The following SCAPER variants were observed in gnomAD, a reference collection of about 807,000 sequenced individuals.
SCAPER encodes the protein S phase cyclin A-associated protein in the endoplasmic reticulum.
In SCAPER, 98 loss-of-function variants were observed where a neutral mutation model predicts 182.2. The ratio of observed to expected loss-of-function variants is 0.54; its 90% CI spans 0.46 to 0.64. SCAPER has a LOEUF of 0.64. SCAPER is among the 30% of genes least tolerant of loss of function. The pLI, the probability that SCAPER is intolerant of heterozygous loss-of-function variation, is 0.00. For missense variants in SCAPER, 1,432 were observed against 1,690.0 expected (o/e 0.85, Z 2.68); for synonymous variants, 605 against 564.6 (o/e 1.07, Z -1.01).
At chr15:76,852,830 T>G (rs1348644539) in intron 4 of SCAPER, among the ~76,000 whole-genome samples, 4 of 151,898 alleles carry the variant, frequency 2.6e-5, no homozygotes, top group Non-Finnish European at 5.9e-5. Context: ...AGACAAGATA[T>G]AAACAAAATC....
intron 8 of SCAPER, among the ~76,000 whole-genome samples, chr15:76,780,390 G>A (rs2064043679): frequency 6.6e-6 from 1 of 152,224 alleles, no homozygotes; most frequent in African/African-American, 2.4e-5. Flanking sequence ...CGAACCAGGT[G>A]GAGACCACAG....
chr15:76,779,995 A>G (rs1270469341), intron 8 of SCAPER, among the ~76,000 whole-genome samples: 1 of 152,164 alleles, frequency 6.6e-6, no homozygotes, highest in Non-Finnish European at 1.5e-5. Context: ...TGCATTTCCA[A>G]CTGAGGTACC....
intron 24 of SCAPER, among the ~76,000 whole-genome samples, chr15:76,501,851 C>A (rs1338374080): frequency 1.3e-5 from 2 of 152,186 alleles, no homozygotes; most frequent in Admixed American, 1.3e-4. Context: ...TGCAGGAGAG[C>A]AACTGGAAGG....
intron 2 of SCAPER, among the ~76,000 whole-genome samples, chr15:76,871,501 G>T (rs1042293710): frequency 2.0e-5 from 3 of 151,040 alleles, no homozygotes; most frequent in African/African-American, 7.3e-5. Context: ...GGCAAGATGG[G>T]ATAGCGATGG....
chr15:76,841,877 C>T lies in SCAPER; in HGVS notation c.250G>A (p.Asp84Asn). The change falls in exon 5 of 32, where the codon GAT becomes AAT. Residue 84 changes from aspartate (D) to asparagine (N), a missense_variant. Around this residue, in one of 5 missense-constraint regions of SCAPER, gnomAD observed 480 missense variants for 510.2 expected, o/e 0.94. Coordinates refer to ENST00000563290, the MANE Select transcript of SCAPER (RefSeq NM_020843.4). The part of the protein sequence containing the change: ...TSSTTGDKHF[D>N]KSPTKTRHPR... Reference sequence around the variant, plus strand: ...TGCCTTGTTTTAGTGGGACTTTTATCAAAGTGTTTATCTCCAGTCGTAGAC... The same window carrying T: ...TGCCTTGTTTTAGTGGGACTTTTATTAAAGTGTTTATCTCCAGTCGTAGAC... The T allele has an allele frequency of 6.2e-7, 1 of 1,613,836 alleles. No homozygotes were observed. Among genetic ancestry groups the T allele is most frequent in the Admixed American group, 1.7e-5 (1 of 59,976 alleles).
chr15:76,902,094 CCAAT>C (rs1451378759), intron 1 of SCAPER, among the ~76,000 whole-genome samples: 2 of 152,152 alleles, frequency 1.3e-5, no homozygotes, highest in African/African-American at 4.8e-5. Flanking sequence ...AGACCCATAG[CCAAT>C]CAGTGAAAGC....
At chr15:76,426,508 C>G (rs2046442093) in intron 26 of SCAPER, among the ~76,000 whole-genome samples, 1 of 152,144 alleles carries the variant, frequency 6.6e-6, no homozygotes, top group South Asian at 2.1e-4. Context: ...TAGACTGGAG[C>G]TGTTCCTATT....
chr15:76,515,437 T>G (rs2042346715), intron 23 of SCAPER, among the ~76,000 whole-genome samples: 1 of 152,188 alleles, frequency 6.6e-6, no homozygotes, highest in African/African-American at 2.4e-5. Context: ...TGCCCCTATA[T>G]CTCAAGTATC....
intron 17 of SCAPER, among the ~76,000 whole-genome samples, chr15:76,720,491 G>C (rs952818621): frequency 1.4e-4 from 22 of 152,302 alleles, no homozygotes; most frequent in Non-Finnish European, 2.8e-4. Context: ...CTAGATCCCT[G>C]AGGAATCACC....
At chr15:76,674,527 G>A (rs1272552360) in intron 20 of SCAPER, among the ~76,000 whole-genome samples, 2 of 152,114 alleles carry the variant, frequency 1.3e-5, no homozygotes, top group East Asian at 3.8e-4. Flanking sequence ...GAAAATGAAT[G>A]CATACTCGGT....
At chr15:76,488,405 T>C (rs987083699) in intron 24 of SCAPER, among the ~76,000 whole-genome samples, 1 of 152,104 alleles carries the variant, frequency 6.6e-6, no homozygotes, top group African/African-American at 2.4e-5. Flanking sequence ...CCGCTACCAA[T>C]AATGATTACT....
intron 21 of SCAPER, among the ~76,000 whole-genome samples, chr15:76,650,213 AAG>A (rs1379663103): frequency 6.6e-6 from 1 of 152,134 alleles, no homozygotes; most frequent in Non-Finnish European, 1.5e-5. Context: ...TAAATCAATG[AAG>A]AGACAAATGT....
At chr15:76,754,724 GTGT>G (rs1430031529) in intron 14 of SCAPER, among the ~76,000 whole-genome samples, 1 of 151,940 alleles carries the variant, frequency 6.6e-6, no homozygotes, top group Non-Finnish European at 1.5e-5. Flanking sequence ...CTCAATAATT[GTGT>G]TGAACCATCC....
chr15:76,752,640 A>G (rs1005178040), intron 15 of SCAPER, among the ~76,000 whole-genome samples: 1 of 151,786 alleles, frequency 6.6e-6, no homozygotes, highest in Non-Finnish European at 1.5e-5. Flanking sequence ...AAATTACACC[A>G]TATCATTCCA....
chr15:76,903,809 C>T (rs1429409886), intron 1 of SCAPER, among the ~76,000 whole-genome samples: 1 of 152,142 alleles, frequency 6.6e-6, no homozygotes, highest in East Asian at 1.9e-4. Context: ...GTTCTCAATA[C>T]TTTACAGACA....
chr15:76,556,842 T>C (rs1241765557), intron 23 of SCAPER, among the ~76,000 whole-genome samples: 4 of 152,148 alleles, frequency 2.6e-5, no homozygotes, highest in Non-Finnish European at 2.9e-5. Context: ...ACAATATGCT[T>C]CTATATCTAA....
At chr15:76,690,107 G>C (rs1419133565) in intron 20 of SCAPER, among the ~76,000 whole-genome samples, 6 of 151,904 alleles carry the variant, frequency 3.9e-5, no homozygotes, top group Non-Finnish European at 5.9e-5. Context: ...AAAAAAAATA[G>C]TCACTTCACA....
chr15:76,502,362 C>T (rs895293028), intron 24 of SCAPER, among the ~76,000 whole-genome samples: 1 of 152,080 alleles, frequency 6.6e-6, no homozygotes, highest in Non-Finnish European at 1.5e-5. Context: ...AAAAATGTGG[C>T]ACATATACAC....
At position 76,574,968 on chromosome 15, in the gene SCAPER, C is replaced by T. The variant is rs2047711136; in HGVS notation, c.2712-684G>A. On this transcript the variant is annotated intron_variant, in intron 22 of 31. Coordinates refer to ENST00000563290, the MANE Select transcript of SCAPER (RefSeq NM_020843.4). ...ATGCTCACCAGATCTCCCCACTTTT[C>T]CCCTATATATCATCCCCGTTGCCTT... Among the ~76,000 whole-genome samples, 4 of 152,208 alleles carry T rather than the reference C, an allele frequency of 2.6e-5. No homozygotes were observed. The South Asian group carries it at 8.3e-4, about 32-fold the overall frequency.
Sources: gnomAD v4.1 joint callset for allele counts (sites outside exome capture counted in the v4.1 genomes callset) on GRCh38, gnomAD v4.1.1 for gene constraint, gnomAD v4.1.1 regional missense constraint, MANE v1.5 for transcripts, NCBI Gene and HGNC (gene_info 2026-07-23, HGNC 2026-07-21) for gene names.